CRTC1: variants seen among roughly 807,000 people sequenced by gnomAD.
CRTC1 encodes the protein CREB regulated transcription coactivator 1.
CRTC1 carries 18 observed loss-of-function variants against 66.1 expected under a neutral mutation model. The observed-to-expected ratio is 0.27, with a 90% confidence interval of 0.19 to 0.40. The LOEUF (loss-of-function observed/expected upper bound fraction) is 0.40. CRTC1 is among the 10% of genes least tolerant of loss of function. The pLI is 1.00. For missense variants in CRTC1, 669 were observed against 887.9 expected, an observed-to-expected ratio of 0.75 and a Z score of 3.13; for synonymous variants, 416 against 398.8, an observed-to-expected ratio of 1.04 and a Z score of -0.51.
chr19:18,756,994 C>T (rs949781031), intron 6 of CRTC1, among the ~76,000 whole-genome samples: 9 of 152,358 alleles, frequency 5.9e-5, no homozygotes, highest in African/African-American at 2.2e-4. Flanking sequence ...AGAGGCTTAA[C>T]ACCCGCCGGT....
intron 1 of CRTC1, among the ~76,000 whole-genome samples, chr19:18,718,129 C>A (rs1478159443): frequency 6.6e-6 from 1 of 151,990 alleles, no homozygotes; most frequent in East Asian, 1.9e-4. Context: ...CCAAAGGAGA[C>A]CTTGTCCCCA....
chr19:18,750,663 G>A (rs979778333), intron 5 of CRTC1, among the ~76,000 whole-genome samples: 6 of 152,210 alleles, frequency 3.9e-5, no homozygotes, highest in African/African-American at 7.2e-5. Context: ...TATTGCTGCC[G>A]TTCACCGAGT....
intron 1 of CRTC1, among the ~76,000 whole-genome samples, chr19:18,699,388 G>A (rs1311135757): frequency 6.6e-6 from 1 of 152,108 alleles, no homozygotes; most frequent in Non-Finnish European, 1.5e-5. Context: ...ATACTTGTAC[G>A]GAACACAGTG....
chr19:18,746,215 T>C (rs1176437029), intron 3 of CRTC1, among the ~76,000 whole-genome samples: 2 of 151,646 alleles, frequency 1.3e-5, no homozygotes, highest in South Asian at 2.1e-4. Flanking sequence ...AAGGCAGGAG[T>C]TGAGGAAGGT....
chr19:18,720,355 CTTTT>C (rs2053597226), intron 1 of CRTC1, among the ~76,000 whole-genome samples: 1 of 149,900 alleles, frequency 6.7e-6, no homozygotes, highest in Admixed American at 6.7e-5. Flanking sequence ...TTCTTTCTTT[CTTTT>C]TCTTTTTTTT....
intron 1 of CRTC1, among the ~76,000 whole-genome samples, chr19:18,724,425 T>TG (rs1369439476): frequency 6.6e-6 from 1 of 152,018 alleles, no homozygotes; most frequent in Non-Finnish European, 1.5e-5. Flanking sequence ...CTATTGGGAC[T>TG]GGGGGGCCAT....
At chr19:18,685,143 T>G (rs2052657726) in intron 1 of CRTC1, among the ~76,000 whole-genome samples, 1 of 152,180 alleles carries the variant, frequency 6.6e-6, no homozygotes, top group African/African-American at 2.4e-5. Context: ...TCTGTGTTAC[T>G]TTGTAACTAG....
At chr19:18,764,337 G>T (rs144805231) in intron 8 of CRTC1, among the ~76,000 whole-genome samples, 380 of 152,338 alleles carry the variant, frequency 2.5e-3, no homozygotes, top group Non-Finnish European at 4.3e-3. Flanking sequence ...ACTTTGAACC[G>T]GAGAGGGCGG....
intron 1 of CRTC1, among the ~76,000 whole-genome samples, chr19:18,740,911 A>G (rs2054097301): frequency 6.6e-6 from 1 of 152,136 alleles, no homozygotes; most frequent in South Asian, 2.1e-4. Flanking sequence ...AGGCTGAGGC[A>G]GGAGAATCAC....
At chr19:18,688,595 C>A (rs1036420202) in intron 1 of CRTC1, among the ~76,000 whole-genome samples, 10 of 152,036 alleles carry the variant, frequency 6.6e-5, no homozygotes, top group Non-Finnish European at 1.2e-4. Context: ...TGCACCACCA[C>A]GCCTGAGTAA....
At chr19:18,746,029 C>A in intron 3 of CRTC1, 69 bp downstream of exon 3, 1 of 1,537,166 alleles carries the variant, frequency 6.5e-7, no homozygotes, top group African/African-American at 1.4e-5. Flanking sequence ...CCCAAGTTTA[C>A]CCAGCAGGTT....
chr19:18,756,614 T>TAAA (rs56046314), intron 6 of CRTC1, among the ~76,000 whole-genome samples: 11 of 147,208 alleles, frequency 7.5e-5, no homozygotes, highest in South Asian at 2.1e-4. Context: ...ACCCTGTCTC[T>TAAA]AAAAAAAAAA....
chr19:18,723,995 ACACTGTATGCTG>A (rs1475775999), intron 1 of CRTC1, among the ~76,000 whole-genome samples: 1 of 152,180 alleles, frequency 6.6e-6, no homozygotes, highest in East Asian at 1.9e-4. Flanking sequence ...GCAGAAGCAG[ACACTGTATGCTG>A]CACTTATGAG....
intron 1 of CRTC1, among the ~76,000 whole-genome samples, chr19:18,718,513 T>TC (rs1207547936): frequency 6.6e-6 from 1 of 151,916 alleles, no homozygotes; most frequent in East Asian, 1.9e-4. Flanking sequence ...GCTAATTTTT[T>TC]TTTTTTTTTT....
At chr19:18,744,752 C>G (rs1021496638) in intron 2 of CRTC1, among the ~76,000 whole-genome samples, 1 of 152,182 alleles carries the variant, frequency 6.6e-6, no homozygotes, top group Admixed American at 6.5e-5. Flanking sequence ...TGCCCACAGC[C>G]TTTTGGGGGC....
chr19:18,754,224 A>G (rs1398899213), intron 6 of CRTC1, among the ~76,000 whole-genome samples: 2 of 152,200 alleles, frequency 1.3e-5, no homozygotes, highest in Non-Finnish European at 2.9e-5. Flanking sequence ...AATCCTTTCA[A>G]AAGGGTTTGC....
At chr19:18,736,596 C>A (rs1032947728) in intron 1 of CRTC1, among the ~76,000 whole-genome samples, 6 of 152,002 alleles carry the variant, frequency 3.9e-5, no homozygotes, top group Admixed American at 2.6e-4. Flanking sequence ...CTGGTACAGG[C>A]AGCACCCGTG....
intron 1 of CRTC1, among the ~76,000 whole-genome samples, chr19:18,702,132 A>T (rs965168764): frequency 6.6e-6 from 1 of 150,910 alleles, no homozygotes; most frequent in Admixed American, 6.6e-5. Flanking sequence ...CATGTTGGTC[A>T]GGCTGGTCTT....
At chr19:18,775,186 G>A (rs1329112869) in intron 12 of CRTC1, among the ~76,000 whole-genome samples, 200 bp downstream of exon 12, 2 of 152,252 alleles carry the variant, frequency 1.3e-5, no homozygotes, top group South Asian at 2.1e-4. Context: ...GTGGCCTAGC[G>A]CTGCCTCCCC....
Sources: gnomAD v4.1 joint callset for allele counts (sites outside exome capture counted in the v4.1 genomes callset) on GRCh38, gnomAD v4.1.1 for gene constraint, MANE v1.5 for transcripts, NCBI Gene and HGNC (gene_info 2026-07-23, HGNC 2026-07-21) for gene names.